Variants in BCL2L14 observed in about 807,000 individuals in gnomAD.
BCL2L14 encodes the protein apoptosis facilitator Bcl-2-like protein 14.
BCL2L14 carries 27 observed loss-of-function variants against 35.3 expected under a neutral mutation model. The ratio of observed to expected loss-of-function variants is 0.76; its 90% confidence interval spans 0.56 to 1.05. BCL2L14 has a LOEUF of 1.05. BCL2L14 is among the 50% of genes least tolerant of loss of function. BCL2L14 has a pLI of 0.00. For synonymous variants in BCL2L14, 139 were observed against 145.9 expected, an observed-to-expected ratio of 0.95 and a Z score of 0.34; for missense variants, 377 against 382.6, an observed-to-expected ratio of 0.99 and a Z score of 0.12.
At chr12:12,071,758 G>C (rs1012563526) in intron 1 of BCL2L14, 3 of 152,174 alleles carry the variant, frequency 2.0e-5, no homozygotes, top group African/African-American at 7.2e-5. Context: ...CGGACCTTCT[G>C]TTTGGTGAAT....
upstream of BCL2L14, among the ~76,000 whole-genome samples, chr12:12,066,142 T>C (rs945168453): frequency 4.6e-5 from 7 of 152,164 alleles, no homozygotes; most frequent in Non-Finnish European, 1.0e-4. Flanking sequence ...CTCAAAATGA[T>C]CTTAAGGTTA....
chr12:12,088,740 A>G (rs1323575164), intron 3 of BCL2L14, among the ~76,000 whole-genome samples: 1 of 152,120 alleles, frequency 6.6e-6, no homozygotes, highest in African/African-American at 2.4e-5. Context: ...CTAAAGAACA[A>G]GGTGAAGGTT....
At chr12:12,087,096 T>C (rs1949062600) in intron 2 of BCL2L14, 117 bp from the exon 3 acceptor site, 1 of 1,145,578 alleles carries the variant, frequency 8.7e-7, no homozygotes, top group African/African-American at 1.5e-5. Context: ...GCACACATAC[T>C]CCCAGGCAGT....
chr12:12,094,578 T>C, intron 4 of BCL2L14, 86 bp from the exon 5 acceptor site: 8 of 1,614,256 alleles, frequency 5.0e-6, no homozygotes, highest in Non-Finnish European at 6.8e-6. Flanking sequence ...GATGGTTTGA[T>C]GGCCTGCATT....
chr12:12,083,116 C>G (rs1034157458), intron 2 of BCL2L14, among the ~76,000 whole-genome samples: 6 of 152,150 alleles, frequency 3.9e-5, no homozygotes, highest in African/African-American at 1.4e-4. Context: ...GGGCGCCCAC[C>G]ACCACGCCCG....
At chr12:12,059,909 C>A (rs1228279157) in intron 2 of BCL2L14, among the ~76,000 whole-genome samples, 2 of 152,124 alleles carry the variant, frequency 1.3e-5, no homozygotes, top group African/African-American at 4.8e-5. Context: ...GTCTGAGATG[C>A]CTGATGTCCA....
intron 5 of BCL2L14, among the ~76,000 whole-genome samples, chr12:12,097,583 G>T (rs1949343284): frequency 6.6e-6 from 1 of 152,162 alleles, no homozygotes; most frequent in African/African-American, 2.4e-5. Flanking sequence ...TTGGAGTGAT[G>T]ATAATGTCCT....
chr12:12,096,107 C>T, intron 5 of BCL2L14: 1 of 985,368 alleles, frequency 1.0e-6, no homozygotes, highest in Non-Finnish European at 1.2e-6. Flanking sequence ...AGCTCAAAGG[C>T]TGCACAGTCT....
At chr12:12,076,443 G>A (rs2136741222) in intron 1 of BCL2L14, among the ~76,000 whole-genome samples, 1 of 152,228 alleles carries the variant, frequency 6.6e-6, no homozygotes, top group Middle Eastern at 3.4e-3. Flanking sequence ...CAGAGGAGGA[G>A]GAAGGATTGC....
chr12:12,094,965 G>A (rs763881197), intron 5 of BCL2L14, 35 bp downstream of exon 5: 4 of 1,586,730 alleles, frequency 2.5e-6, no homozygotes, highest in Non-Finnish European at 2.6e-6. Flanking sequence ...AATTTTCTCA[G>A]AACTCAGAAG....
At chr12:12,076,574 T>C (rs1347685180) in intron 1 of BCL2L14, among the ~76,000 whole-genome samples, 2 of 152,082 alleles carry the variant, frequency 1.3e-5, no homozygotes, top group Admixed American at 6.5e-5. Flanking sequence ...CTGGTGGGTT[T>C]TGCAACTTGC....
At chr12:12,075,425 C>CTT (rs1258768035) in intron 1 of BCL2L14, among the ~76,000 whole-genome samples, 2 of 134,152 alleles carry the variant, frequency 1.5e-5, no homozygotes, top group Non-Finnish European at 1.6e-5. Context: ...TTCTTTCTTT[C>CTT]TTTCTTTCTT....
At chr12:12,079,236 C>A in intron 1 of BCL2L14, 63 bp from the exon 2 acceptor site, 2 of 1,395,236 alleles carry the variant, frequency 1.4e-6, no homozygotes, top group Non-Finnish European at 9.9e-7. Flanking sequence ...CCCTGTCTCT[C>A]CTAACCTGCA....
At chr12:12,051,651 T>C (rs1948359260) in intron 1 of BCL2L14, 1 of 152,202 alleles carries the variant, frequency 6.6e-6, no homozygotes, top group Admixed American at 6.5e-5. Flanking sequence ...TCCTCCTAAA[T>C]CTTCTCTCTT....
chr12:12,085,764 G>C (rs7972500), intron 2 of BCL2L14, among the ~76,000 whole-genome samples: 41,401 of 151,872 alleles, frequency 0.27, 5,859 homozygotes, highest in Middle Eastern at 0.43. Flanking sequence ...CTTGGCAGCT[G>C]CATATGATGT....
intron 1 of BCL2L14, among the ~76,000 whole-genome samples, chr12:12,079,075 G>A (rs1464757616): frequency 6.6e-6 from 1 of 152,186 alleles, no homozygotes; most frequent in East Asian, 1.9e-4. Flanking sequence ...GATTACAGGC[G>A]TGAGCCACCG....
intron 1 of BCL2L14, among the ~76,000 whole-genome samples, chr12:12,073,576 ACGCACACACAAACATGCATGCACG>A (rs934824801): frequency 2.6e-5 from 4 of 151,792 alleles, no homozygotes; most frequent in South Asian, 2.1e-4. Flanking sequence ...ACACATGCAC[ACGCACACACAAACATGCATGCACG>A]CGCACACACA....
intron 2 of BCL2L14, among the ~76,000 whole-genome samples, chr12:12,081,186 C>T (rs61585812): frequency 1.3e-5 from 2 of 151,688 alleles, no homozygotes; most frequent in African/African-American, 2.4e-5. Flanking sequence ...GAGCCCATCA[C>T]GTCGATACTC....
chr12:12,053,038 A>C (rs149489944), intron 2 of BCL2L14, among the ~76,000 whole-genome samples: 39 of 152,300 alleles, frequency 2.6e-4, no homozygotes, highest in African/African-American at 5.8e-4. Context: ...CCTTGGGGAC[A>C]TGGACAGTGT....
Sources: gnomAD v4.1 joint callset for allele counts (sites outside exome capture counted in the v4.1 genomes callset) on GRCh38, gnomAD v4.1.1 for gene constraint, MANE v1.5 for transcripts, NCBI Gene and HGNC (gene_info 2026-07-23, HGNC 2026-07-21) for gene names.